TAPT1: variants seen among roughly 807,000 people sequenced by gnomAD.
The protein encoded by TAPT1 is transmembrane anterior posterior transformation protein 1 homolog.
A neutral mutation model predicts 65.6 loss-of-function variants in TAPT1; 28 were observed. The observed-to-expected ratio is 0.43, with a 90% CI of 0.32 to 0.59. TAPT1 has a LOEUF of 0.59. TAPT1 is among the 20% of genes least tolerant of loss of function. The probability of loss-of-function intolerance (pLI) is 0.09; values close to 1 mark genes in which losing one functional copy is unlikely to be tolerated. For synonymous variants in TAPT1, 278 were observed against 245.2 expected (o/e 1.13, Z -1.25); for missense variants, 563 against 679.9 (o/e 0.83, Z 1.91).
At chr4:16,189,670 T>C (rs1164410900) in intron 4 of TAPT1, among the ~76,000 whole-genome samples, 1 of 152,252 alleles carries the variant, frequency 6.6e-6, no homozygotes, top group East Asian at 1.9e-4. Flanking sequence ...GGTTTGCCTC[T>C]TCCAGAGCAT....
intron 1 of TAPT1, 153 bp downstream of exon 1, chr4:16,226,106 G>A (rs1419148382): frequency 9.7e-7 from 1 of 1,029,436 alleles, no homozygotes; most frequent in Non-Finnish European, 1.2e-6. Context: ...AGCCTCGGCA[G>A]CCTCGGCGGC....
At chr4:16,206,949 T>G (rs752357196) in intron 2 of TAPT1, among the ~76,000 whole-genome samples, 7 of 152,206 alleles carry the variant, frequency 4.6e-5, no homozygotes, top group Non-Finnish European at 8.8e-5. Flanking sequence ...GTAAGACAGT[T>G]GCAGAAAGAA....
chr4:16,220,620 A>C (rs1186873187), intron 1 of TAPT1, among the ~76,000 whole-genome samples: 1 of 151,994 alleles, frequency 6.6e-6, no homozygotes, highest in Non-Finnish European at 1.5e-5. Flanking sequence ...ATGGTGGTGC[A>C]CGCCTGCAGT....
intron 2 of TAPT1, among the ~76,000 whole-genome samples, chr4:16,211,553 C>T (rs1750654508): frequency 6.6e-6 from 1 of 152,136 alleles, no homozygotes. Context: ...TACAAAGCTT[C>T]TTAAGTATTG....
intron 3 of TAPT1, among the ~76,000 whole-genome samples, chr4:16,193,631 A>T (rs1246960616): frequency 2.0e-5 from 3 of 152,188 alleles, no homozygotes; most frequent in Admixed American, 6.5e-5. Flanking sequence ...TTGGATCTTG[A>T]TCACTTAAAC....
At chr4:16,184,399 T>G (rs970375958) in intron 7 of TAPT1, among the ~76,000 whole-genome samples, 1 of 152,198 alleles carries the variant, frequency 6.6e-6, no homozygotes, top group Non-Finnish European at 1.5e-5. Context: ...ATATACAGTT[T>G]GTTTATTTTC....
At chr4:16,188,382 G>A (rs2052149635) in intron 4 of TAPT1, 27 bp from the exon 5 acceptor site, 2 of 1,495,132 alleles carry the variant, frequency 1.3e-6, no homozygotes, top group Middle Eastern at 3.6e-4. Flanking sequence ...TTTGTAAGAT[G>A]TTTCTTAATA....
At chr4:16,226,491 C>T (rs909795797), upstream of TAPT1, 54 of 1,040,756 alleles carry the variant, frequency 5.2e-5, no homozygotes, top group Non-Finnish European at 5.8e-5. Context: ...CCGCCGCCTC[C>T]CTCCAGCCTC....
intron 8 of TAPT1, among the ~76,000 whole-genome samples, chr4:16,178,554 A>G (rs1448614368): frequency 6.6e-6 from 1 of 152,208 alleles, no homozygotes; most frequent in Non-Finnish European, 1.5e-5. Context: ...GAAATTGATC[A>G]TTTCCCACTT....
chr4:16,200,288 A>C (rs1749955363), intron 3 of TAPT1, among the ~76,000 whole-genome samples: 1 of 152,188 alleles, frequency 6.6e-6, no homozygotes, highest in Non-Finnish European at 1.5e-5. Flanking sequence ...AATGTAGCTC[A>C]TAATGTAGAT....
intron 11 of TAPT1, 100 bp downstream of exon 11, chr4:16,174,104 T>C (rs1236442294): frequency 9.8e-7 from 1 of 1,021,432 alleles, no homozygotes; most frequent in South Asian, 1.8e-5. Context: ...TTAATTTTTA[T>C]ATCAAGTCCT....
chr4:16,192,414 T>A (rs1749429783), intron 3 of TAPT1, among the ~76,000 whole-genome samples: 1 of 152,222 alleles, frequency 6.6e-6, no homozygotes, highest in Non-Finnish European at 1.5e-5. Context: ...CTCCCTATCT[T>A]TCTTGTACTG....
In TAPT1 at chr4:16,213,901, A is replaced by G; in HGVS notation, c.200-3T>C. The G allele has an allele frequency of 6.3e-7, 1 of 1,581,576 alleles. No individual in the cohort carries two copies. Among genetic ancestry groups the G allele is most frequent in the Non-Finnish European group, 8.5e-7 (1 of 1,171,748 alleles). On this transcript the variant is annotated splice_region_variant and splice_polypyrimidine_tract_variant and intron_variant, in intron 1 of 13. Transcript: ENST00000405303. ...GAGGAACCTCAACAATGAAAGCTCT[A>G]CAGAAAAGAAAATGACAGAAAACAA...
At chr4:16,189,739 G>A (rs12506478) in intron 4 of TAPT1, among the ~76,000 whole-genome samples, 34,556 of 152,096 alleles carry the variant, frequency 0.23, 4,432 homozygotes, top group Middle Eastern at 0.33. Flanking sequence ...ATGTGAATAC[G>A]TATATAAATC....
At chr4:16,226,109 T>C in intron 1 of TAPT1, 150 bp downstream of exon 1, 1 of 1,014,712 alleles carries the variant, frequency 9.9e-7, no homozygotes, top group Non-Finnish European at 1.2e-6. Context: ...CTCGGCAGCC[T>C]CGGCGGCTCC....
chr4:16,220,697 C>G (rs1469624610), intron 1 of TAPT1, among the ~76,000 whole-genome samples: 4 of 149,232 alleles, frequency 2.7e-5, no homozygotes, highest in Non-Finnish European at 5.9e-5. Flanking sequence ...TGCAGTGAGC[C>G]AAGATCGCAC....
At chr4:16,174,390 G>C (rs1246381231) in intron 10 of TAPT1, 118 bp from the exon 11 acceptor site, 16 of 863,182 alleles carry the variant, frequency 1.9e-5, no homozygotes, top group Non-Finnish European at 2.5e-5. Flanking sequence ...AGCAAGAACA[G>C]AACCTGGCAC....
intron 7 of TAPT1, among the ~76,000 whole-genome samples, chr4:16,184,224 C>T (rs988883605): frequency 1.3e-5 from 2 of 150,884 alleles, no homozygotes; most frequent in East Asian, 3.9e-4. Flanking sequence ...TCATCATAAA[C>T]GAATTTTGTC....
At chr4:16,185,718 T>TC (rs1383369125) in intron 7 of TAPT1, among the ~76,000 whole-genome samples, 84 of 152,246 alleles carry the variant, frequency 5.5e-4, no homozygotes, top group African/African-American at 2.0e-3. Flanking sequence ...GACCAAAAAG[T>TC]CTGACAAGCG....
Sources: allele counts gnomAD v4.1 joint callset (sites outside exome capture counted in the v4.1 genomes callset), GRCh38; gene constraint gnomAD v4.1.1; transcripts MANE v1.5; gene names NCBI Gene and HGNC (gene_info 2026-07-23, HGNC 2026-07-21).